Variants in MAN1A1 observed in about 807,000 individuals in gnomAD.
MAN1A1 encodes the protein mannosyl-oligosaccharide 1,2-alpha-mannosidase IA.
MAN1A1 carries 29 observed loss-of-function variants against 70.8 expected under a neutral mutation model. That is an observed-to-expected ratio of 0.41 (90% CI 0.31 to 0.56). The LOEUF (loss-of-function observed/expected upper bound fraction) is 0.56, where lower values mean the gene tolerates loss of function less well. MAN1A1 is among the 20% of genes least tolerant of loss of function. MAN1A1 has a pLI of 0.29. For synonymous variants in MAN1A1, 349 were observed against 330.1 expected (o/e 1.06, Z -0.62); for missense variants, 747 against 841.3 (o/e 0.89, Z 1.39).
intron 6 of MAN1A1, among the ~76,000 whole-genome samples, chr6:119,220,440 T>A (rs1774328014): frequency 6.6e-6 from 1 of 152,256 alleles, no homozygotes; most frequent in Non-Finnish European, 1.5e-5. Flanking sequence ...CTCTTTAGAA[T>A]GACTTGTAAA....
intron 6 of MAN1A1, among the ~76,000 whole-genome samples, chr6:119,226,635 A>C (rs1774522588): frequency 6.6e-6 from 1 of 152,178 alleles, no homozygotes; most frequent in African/African-American, 2.4e-5. Context: ...ACCAAGAAGA[A>C]TATATAAAAT....
chr6:119,332,331 AAC>A (rs1773340700), intron 2 of MAN1A1, among the ~76,000 whole-genome samples: 1 of 152,230 alleles, frequency 6.6e-6, no homozygotes, highest in Non-Finnish European at 1.5e-5. Context: ...AAGAATAACA[AAC>A]ACATTCTATT....
At position 119,178,805 on chromosome 6, in the gene MAN1A1, TTAC is replaced by T. The variant is rs1192317835; in HGVS notation, c.*1011_*1013del. The T allele has an allele frequency of 6.6e-6, 1 of 152,164 alleles. No individual in the cohort carries two copies. Among genetic ancestry groups the T allele is most frequent in the Non-Finnish European group, 1.5e-5 (1 of 67,992 alleles). 9.4% of individuals were successfully genotyped at this position (152,164 alleles called of 1,614,324 possible). A position where few individuals can be genotyped will look rare whatever the true frequency, so the allele number is the denominator to read the frequency against. On this transcript the variant is annotated 3_prime_UTR_variant, in exon 13 of 13. Transcript: ENST00000368468. ...CTTTCACAAACTGAAAGGAAATAAT[TTAC>T]TACATCTGAGATAGAGCCTTTTTCA... is the stretch of plus-strand genomic sequence containing the variant.
At chr6:119,278,539 C>A (rs907084661) in intron 5 of MAN1A1, among the ~76,000 whole-genome samples, 2 of 152,038 alleles carry the variant, frequency 1.3e-5, no homozygotes, top group East Asian at 3.9e-4. Context: ...GATCACTTCA[C>A]CGGTACTTAG....
At chr6:119,233,872 A>G (rs757050113) in intron 6 of MAN1A1, among the ~76,000 whole-genome samples, 23 of 152,218 alleles carry the variant, frequency 1.5e-4, no homozygotes, top group Non-Finnish European at 2.8e-4. Context: ...CAATGCAATT[A>G]ATTTTAAAAT....
chr6:119,326,418 C>A (rs1345352291), intron 2 of MAN1A1, among the ~76,000 whole-genome samples: 1 of 152,226 alleles, frequency 6.6e-6, no homozygotes, highest in Non-Finnish European at 1.5e-5. Context: ...GAACCAAGTA[C>A]AAACTTACAC....
chr6:119,265,745 C>T (rs894512646), intron 5 of MAN1A1, among the ~76,000 whole-genome samples: 1 of 151,932 alleles, frequency 6.6e-6, no homozygotes, highest in Non-Finnish European at 1.5e-5. Context: ...CCCCTCTTAC[C>T]ACTGCTTTTC....
intron 6 of MAN1A1, among the ~76,000 whole-genome samples, chr6:119,238,219 T>G (rs953393949): frequency 2.6e-5 from 4 of 152,156 alleles, no homozygotes; most frequent in African/African-American, 9.7e-5. Flanking sequence ...AGTGAAGAGA[T>G]AACACCAAGG....
chr6:119,181,669 T>C (rs1773157271), intron 11 of MAN1A1, among the ~76,000 whole-genome samples: 1 of 152,214 alleles, frequency 6.6e-6, no homozygotes, highest in South Asian at 2.1e-4. Flanking sequence ...CTGTTTGTGT[T>C]TTCTTTTTCC....
chr6:119,315,203 T>C (rs1409672418), intron 2 of MAN1A1, among the ~76,000 whole-genome samples: 1 of 152,224 alleles, frequency 6.6e-6, no homozygotes, highest in Non-Finnish European at 1.5e-5. Context: ...TGAATTCTCC[T>C]ACAGCCAATT....
chr6:119,230,633 G>C (rs1774650517), intron 6 of MAN1A1, among the ~76,000 whole-genome samples: 1 of 152,120 alleles, frequency 6.6e-6, no homozygotes, highest in Non-Finnish European at 1.5e-5. Context: ...ACTAATGTTT[G>C]TCTCTTCCCT....
intron 5 of MAN1A1, chr6:119,269,296 G>A (rs1328636283): frequency 1.0e-5 from 3 of 286,252 alleles, no homozygotes; most frequent in Non-Finnish European, 2.1e-5. Flanking sequence ...GGTACTTCCA[G>A]CCAAACTCGT....
At chr6:119,350,537 T>C (rs1325286643), upstream of MAN1A1, 1 of 985,296 alleles carries the variant, frequency 1.0e-6, no homozygotes, top group African/African-American at 1.7e-5. Context: ...CTCATAGAAG[T>C]TGGTCAAATT....
chr6:119,259,070 T>C (rs1323365231), intron 5 of MAN1A1, among the ~76,000 whole-genome samples: 1 of 152,210 alleles, frequency 6.6e-6, no homozygotes, highest in Non-Finnish European at 1.5e-5. Context: ...AGAAGGATAC[T>C]AGGCCTTTTG....
chr6:119,199,232 T>C (rs1223488487), intron 8 of MAN1A1, among the ~76,000 whole-genome samples: 2 of 152,236 alleles, frequency 1.3e-5, no homozygotes, highest in African/African-American at 4.8e-5. Context: ...ATTTAGAAAC[T>C]TGGATTATAA....
At chr6:119,223,493 A>G (rs1262050940) in intron 6 of MAN1A1, among the ~76,000 whole-genome samples, 2 of 152,178 alleles carry the variant, frequency 1.3e-5, no homozygotes. Flanking sequence ...AATGTATCAA[A>G]TGTATTAATA....
At chr6:119,213,476 T>C (rs1441500965) in intron 6 of MAN1A1, among the ~76,000 whole-genome samples, 1 of 152,192 alleles carries the variant, frequency 6.6e-6, no homozygotes, top group Non-Finnish European at 1.5e-5. Flanking sequence ...AACTCAGCAA[T>C]AAAGATAGAT....
intron 4 of MAN1A1, among the ~76,000 whole-genome samples, chr6:119,296,806 C>T (rs1260057048): frequency 6.6e-6 from 1 of 152,160 alleles, no homozygotes; most frequent in Non-Finnish European, 1.5e-5. Flanking sequence ...CAGATGCTTG[C>T]CAAAGATCAC....
chr6:119,346,798 G>C (rs917917070), intron 2 of MAN1A1, among the ~76,000 whole-genome samples: 1 of 152,182 alleles, frequency 6.6e-6, no homozygotes, highest in South Asian at 2.1e-4. Context: ...CTGGCAGCTC[G>C]TATGACTTTG....
Sources: allele counts gnomAD v4.1 joint callset (sites outside exome capture counted in the v4.1 genomes callset), GRCh38; gene constraint gnomAD v4.1.1; transcripts MANE v1.5; gene names NCBI Gene and HGNC (gene_info 2026-07-23, HGNC 2026-07-21).